SCNN1D: variants seen among roughly 807,000 people sequenced by gnomAD.
SCNN1D encodes epithelial sodium channel subunit delta.
Under a neutral mutation model 87.8 loss-of-function variants are expected in SCNN1D, and 104 were observed. The ratio of observed to expected loss-of-function variants is 1.18; its 90% CI spans 1.01 to 1.39. SCNN1D has a LOEUF of 1.39. Ranked by LOEUF, SCNN1D falls within the 40% of genes most tolerant of loss-of-function variation. The probability of loss-of-function intolerance (pLI) is 0.00; values close to 1 mark genes in which losing one functional copy is unlikely to be tolerated. For missense variants in SCNN1D, 1,324 were observed against 1,093.9 expected, an observed-to-expected ratio of 1.21 and a Z score of -2.97; for synonymous variants, 628 against 481.2, an observed-to-expected ratio of 1.31 and a Z score of -3.99.
chr1:1,286,255 C>T lies in SCNN1D; in HGVS notation c.888C>T (p.Thr296=). 1 of 1,588,006 alleles carries T rather than the reference C, an allele frequency of 6.3e-7. No individual in the cohort carries two copies. Among genetic ancestry groups the T allele is most frequent in the Non-Finnish European group, 8.5e-7 (1 of 1,171,964 alleles). The change falls in exon 7 of 18, where the codon ACC becomes ACT. Residue 296 remains threonine (T), a synonymous_variant. Transcript: ENST00000379116. ...AGCGCAAGCTGCTCCCGCTGGTCACCCTGTGTGACGGGAACCCACGTCGGT... is the reference window on the plus strand; with the variant it reads ...AGCGCAAGCTGCTCCCGCTGGTCACTCTGTGTGACGGGAACCCACGTCGGT... ...HSERKLLPLV[T]LCDGNPRRPS...
rs775897289 is a variant in SCNN1D, at chr1:1,291,074, G to A, written c.1986G>A (p.Leu662=). Residue 662 remains leucine (L), a synonymous_variant, in exon 17 of 18, where the codon CTG becomes CTA. Transcript: ENST00000379116. The stretch of plus-strand genomic sequence containing the variant: ...CTCTATCCTGCCCCAGGAGCAGCCT[G>A]GCCAAAATCAACATCGTCTACCAGG... ...PHQSHRQRSS[L]AKINIVYQEL... The A allele has an allele frequency of 2.5e-5, 40 of 1,611,964 alleles. No individual in the cohort carries two copies. Among genetic ancestry groups the A allele is most frequent in the Non-Finnish European group, 3.2e-5 (38 of 1,179,732 alleles).
In SCNN1D at chr1:1,287,663, G is replaced by C. The variant is rs757679789; in HGVS notation, c.1400-10G>C. On this transcript the variant is annotated splice_polypyrimidine_tract_variant and intron_variant, in intron 10 of 17. Coordinates refer to ENST00000379116, the MANE Select transcript of SCNN1D (RefSeq NM_001130413.4). ...GTCAGGTGGCCTCACACCAGCCCTTGGCCTCCCAGGAGTCGGCCTGGTCCT... is the reference window on the plus strand; with the variant it reads ...GTCAGGTGGCCTCACACCAGCCCTTCGCCTCCCAGGAGTCGGCCTGGTCCT... 1 of 1,611,874 alleles carries C rather than the reference G, an allele frequency of 6.2e-7. No individual in the cohort carries two copies. The highest frequency in any genetic ancestry group is 2.2e-5 in the East Asian group (1 of 44,848).
At chr1:1,286,624 T>C (rs1476579024) in intron 7 of SCNN1D, 144 bp from the exon 8 acceptor site, 4 of 799,912 alleles carry the variant, frequency 5.0e-6, no homozygotes, top group Non-Finnish European at 7.8e-6. Context: ...AGCCACGGCC[T>C]CCAACTCCAG....
At chr1:1,280,734 T>C in intron 1 of SCNN1D, 68 bp downstream of exon 1, 1 of 696,388 alleles carries the variant, frequency 1.4e-6, no homozygotes, top group Non-Finnish European at 2.6e-6. Flanking sequence ...TGCCCATGGC[T>C]AAGACCAGGG....
rs774109197 is a variant in SCNN1D at position 1,290,916 on chromosome 1, G to C, written c.1939G>C (p.Gly647Arg). Reference sequence around the variant, plus strand: ...GCAGGGATGGACTCTGGCCACGCTAGGTGAACAGGGGCTGCCGCATCAGAG... The same window carrying C: ...GCAGGGATGGACTCTGGCCACGCTACGTGAACAGGGGCTGCCGCATCAGAG... ...KSAGWTLATL[G>R]EQGLPHQSHR... is the part of the protein sequence containing the mutation. The change falls in exon 16 of 18, where the codon GGT becomes CGT. Residue 647 changes from glycine to arginine, a missense_variant. By Grantham distance (125) the Gly-to-Arg change is moderately radical. Coordinates refer to ENST00000379116, the MANE Select transcript of SCNN1D (RefSeq NM_001130413.4). 3.7e-6 allele frequency: 6 copies of C among 1,610,020 alleles called. No homozygotes were observed. Among genetic ancestry groups the C allele is most frequent in the Non-Finnish European group, 5.1e-6 (6 of 1,178,898 alleles).
intron 3 of SCNN1D, chr1:1,282,035 C>A: frequency 1.7e-6 from 1 of 599,754 alleles, no homozygotes; most frequent in Non-Finnish European, 3.0e-6. Context: ...CAAAGCTGCC[C>A]AGATGTGGTG....
rs1443226225 is a variant in SCNN1D at position 1,291,362 on chromosome 1, A to G, written c.2161A>G (p.Thr721Ala). The G allele has an allele frequency of 6.2e-7, 1 of 1,607,574 alleles. No homozygotes were observed. The highest frequency in any genetic ancestry group is 8.5e-7 in the Non-Finnish European group (1 of 1,178,284). ...LELLLDASAL[T>A]LVLGGRRLRR... Reference sequence around the variant, plus strand: ...GCTGCTGCTCGATGCTTCTGCCCTCACCCTGGTGCTAGGCGGCCGCCGGCT... The same window carrying G: ...GCTGCTGCTCGATGCTTCTGCCCTCGCCCTGGTGCTAGGCGGCCGCCGGCT... The change falls in exon 18 of 18, where the codon ACC (threonine) becomes GCC (alanine). Residue 721 changes from threonine to alanine, a missense_variant. Thr to Ala is a moderately conservative substitution (Grantham distance 58, BLOSUM62 0). Coordinates refer to ENST00000379116, the MANE Select transcript of SCNN1D (RefSeq NM_001130413.4).
intron 12 of SCNN1D, among the ~76,000 whole-genome samples, chr1:1,290,009 CCTGCTCCGTCCCGTGTCT>C (rs1640734548): frequency 8.9e-4 from 8 of 8,994 alleles, no homozygotes; most frequent in Admixed American, 1.9e-3. Flanking sequence ...GTCCCGTGTC[CCTGCTCCGTCCCGTGTCT>C]CTGCTCCGTC....
At chr1:1,290,428 G>A (rs745369170) in intron 13 of SCNN1D, 40 bp downstream of exon 13, 5 of 1,609,658 alleles carry the variant, frequency 3.1e-6, no homozygotes, top group Non-Finnish European at 4.2e-6. Flanking sequence ...TCAGCCATTA[G>A]CCGGGGGGTC....
At chr1:1,290,000 T>TCC (rs538997118) in intron 12 of SCNN1D, among the ~76,000 whole-genome samples, 19 of 41,128 alleles carry the variant, frequency 4.6e-4, no homozygotes, top group Non-Finnish European at 6.0e-4. Context: ...CCCTGCTCCG[T>TCC]CCCGTGTCCC....
chr1:1,287,368 C>T lies in SCNN1D; in HGVS notation c.1310+69C>T, dbSNP rs1242882952. The T allele has an allele frequency of 2.7e-6, 4 of 1,492,492 alleles. No homozygotes were observed. The African/African-American group carries it at 4.2e-5, about 16-fold the overall frequency. 92.5% of individuals were successfully genotyped at this position (1,492,492 alleles called of 1,614,324 possible). ...AGAGCGTGGCCGCACCCCTGGGGTC[C>T]CTCTGGCTGTATGCTGGGAGCCACC... On this transcript the variant is annotated intron_variant, in intron 9 of 17. Coordinates refer to ENST00000379116, the MANE Select transcript of SCNN1D (RefSeq NM_001130413.4).
At chr1:1,282,026 A>G (rs1240142407) in intron 3 of SCNN1D, 3 of 594,600 alleles carry the variant, frequency 5.0e-6, no homozygotes, top group African/African-American at 1.9e-5. Flanking sequence ...GCCCACGCAC[A>G]AAGCTGCCCA....
rs2100346276 is a variant in SCNN1D, at chr1:1,290,093, CGTGT to C, written c.1663-177_1663-174del. On this transcript the variant is annotated intron_variant, in intron 12 of 17. Coordinates refer to ENST00000379116, the MANE Select transcript of SCNN1D (RefSeq NM_001130413.4). ...TCCGTCCCGTGTCTCTGCTCCGTCC[CGTGT>C]CTCTGCTCCGTCCCGTGTCTCTGCT... Among the ~76,000 whole-genome samples, 3 of 141,870 alleles carry C rather than the reference CGTGT, an allele frequency of 2.1e-5. 1 individual carries two copies. The highest frequency in any genetic ancestry group is 8.2e-5 in the African/African-American group (3 of 36,722). The allele number at this position is 141,870 out of a possible 152,430, so 93.1% of individuals were successfully genotyped here.
In SCNN1D at chr1:1,287,596, G is replaced by A. The variant is rs753263301; in HGVS notation, c.1399G>A (p.Gly467Arg). ...AGCTCAGCGCCCCGGCATCACCCAC[G>A]GTGGGTGCCAGCCCCTGGCCGGTGC... ...WTAQRPGITH[G>R]VGLVLRVEQQ... Residue 467 changes from glycine to arginine, a missense_variant and splice_region_variant, in exon 10 of 18, where the codon GGA becomes AGA. Physicochemically the swap from Gly to Arg is moderately radical, Grantham distance 125. Transcript: ENST00000379116. The A allele has an allele frequency of 1.1e-5, 17 of 1,602,578 alleles. No individual in the cohort carries two copies. The highest frequency in any genetic ancestry group is 2.2e-5 in the South Asian group (2 of 90,272).
At chr1:1,283,420 C>T (rs12076303) in intron 4 of SCNN1D, among the ~76,000 whole-genome samples, 2,478 of 152,064 alleles carry the variant, frequency 0.016, 63 homozygotes, top group African/African-American at 0.054. Flanking sequence ...GCTTCTGGGC[C>T]GGGCACGGTG....
At chr1:1,288,755 T>TCC (rs1483446700) in intron 12 of SCNN1D, among the ~76,000 whole-genome samples, 3 of 3,544 alleles carry the variant, frequency 8.5e-4, no homozygotes, top group Non-Finnish European at 8.1e-4. Context: ...CTCTGCTCCG[T>TCC]CCCGTGTCCC....
chr1:1,282,261 G>A lies in SCNN1D; in HGVS notation c.297G>A (p.Met99Ile), dbSNP rs1290341944. 3 of 1,546,854 alleles carry A rather than the reference G, an allele frequency of 1.9e-6. No individual in the cohort carries two copies. The highest frequency in any genetic ancestry group is 2.0e-5 in the Admixed American group (1 of 51,008). ...GCGTGLGDSS[M>I]AFLSRTSPVA... ...ACACAGGCCTGGGTGACTCCAGCAT[G>A]GCTTTCCTCTCCAGGACGTCACCGG... The change falls in exon 4 of 18, where the codon ATG (methionine) becomes ATA (isoleucine). Residue 99 changes from methionine to isoleucine, a missense_variant. By Grantham distance (10) the Met-to-Ile change is conservative. Coordinates refer to ENST00000379116, the MANE Select transcript of SCNN1D (RefSeq NM_001130413.4).
At chr1:1,285,499 G>A (rs994704251) in intron 5 of SCNN1D, 72 bp from the exon 6 acceptor site, 6 of 1,076,254 alleles carry the variant, frequency 5.6e-6, no homozygotes, top group Admixed American at 3.0e-5. Context: ...GGGCAAGAAG[G>A]GCAAGTCTTC....
Position 1,285,671 on chromosome 1 carries a change from C to A in SCNN1D, c.558+7C>A. 6.5e-7 allele frequency: 1 copy of A among 1,527,932 alleles called. No individual in the cohort carries two copies. Among genetic ancestry groups the A allele is most frequent in the South Asian group, 1.2e-5 (1 of 81,264 alleles). 94.6% of individuals were successfully genotyped at this position (1,527,932 alleles called of 1,614,324 possible). ...TGCCTGCAAACAGGGCCAGGTAGGG[C>A]CTGAGCACCCTGTTCTCTGAGTCCT... On this transcript the variant is annotated splice_region_variant and intron_variant, in intron 6 of 17. Transcript: ENST00000379116.
Sources: gnomAD v4.1 joint callset for allele counts (sites outside exome capture counted in the v4.1 genomes callset) on GRCh38, gnomAD v4.1.1 for gene constraint, MANE v1.5 for transcripts, NCBI Gene and HGNC (gene_info 2026-07-23, HGNC 2026-07-21) for gene names.